RAB3GAP1: variants seen among roughly 807,000 people sequenced by gnomAD.
RAB3GAP1 encodes rab3 GTPase-activating protein catalytic subunit.
RAB3GAP1 carries 86 observed loss-of-function variants against 130.7 expected under a neutral mutation model. That is an observed-to-expected ratio of 0.66 (90% CI 0.55 to 0.79). The LOEUF is 0.79. Ranked by LOEUF, RAB3GAP1 falls within the 30% of genes least tolerant of loss-of-function variation. RAB3GAP1 has a pLI of 0.00. For missense variants in RAB3GAP1, 1,029 were observed against 1,169.4 expected (o/e 0.88, Z 1.75); for synonymous variants, 367 against 401.7 (o/e 0.91, Z 1.03).
intron 17 of RAB3GAP1, among the ~76,000 whole-genome samples, chr2:135,147,600 T>G (rs1347540215): frequency 6.7e-6 from 1 of 150,226 alleles, no homozygotes; most frequent in African/African-American, 2.5e-5. Flanking sequence ...CAGATTTTAA[T>G]TAATAGTAGT....
At chr2:135,102,608 C>T (rs980971278) in intron 5 of RAB3GAP1, among the ~76,000 whole-genome samples, 2 of 152,126 alleles carry the variant, frequency 1.3e-5, no homozygotes, top group African/African-American at 2.4e-5. Flanking sequence ...CTTTGTTGAG[C>T]GTTGTCTTTG....
At chr2:135,155,522 G>T (rs1692285767) in intron 19 of RAB3GAP1, among the ~76,000 whole-genome samples, 1 of 152,104 alleles carries the variant, frequency 6.6e-6, no homozygotes, top group African/African-American at 2.4e-5. Flanking sequence ...AGGCAATTTT[G>T]TTATCATGGG....
intron 5 of RAB3GAP1, among the ~76,000 whole-genome samples, chr2:135,097,251 CT>C (rs1343750583): frequency 6.7e-6 from 1 of 148,594 alleles, no homozygotes; most frequent in African/African-American, 2.5e-5. Context: ...AGGTCTTACT[CT>C]GTCACCCAGG....
intron 3 of RAB3GAP1, among the ~76,000 whole-genome samples, chr2:135,062,150 C>G (rs1224070961): frequency 6.6e-6 from 1 of 152,032 alleles, no homozygotes; most frequent in African/African-American, 2.4e-5. Context: ...TTGACCTCAG[C>G]TGATCCGCCC....
At chr2:135,095,977 A>G (rs1191355899) in intron 5 of RAB3GAP1, among the ~76,000 whole-genome samples, 1 of 152,240 alleles carries the variant, frequency 6.6e-6, no homozygotes, top group African/African-American at 2.4e-5. Flanking sequence ...GGTACTATAT[A>G]TAGGAAAAAA....
rs200105104 is a variant in RAB3GAP1 at position 135,071,904 on chromosome 2, ATCTT to A, written c.150+13840_150+13843del. Reference sequence around the variant, plus strand: ...TGTGGGACTTAGAATATTGTATTGAATCTTTCTTTCTTTCTTTCTTTCTTTTTGA... The same window carrying A: ...TGTGGGACTTAGAATATTGTATTGAATCTTTCTTTCTTTCTTTCTTTTTGA... On this transcript the variant is annotated intron_variant, in intron 3 of 23. Coordinates refer to ENST00000264158, the MANE Select transcript of RAB3GAP1 (RefSeq NM_012233.3). 9.0e-3 allele frequency among the ~76,000 whole-genome samples: 1,367 copies of A among 151,970 alleles called. 10 individuals are homozygous for A. The highest frequency in any genetic ancestry group is 0.021 in the South Asian group (99 of 4,800).
intron 3 of RAB3GAP1, among the ~76,000 whole-genome samples, chr2:135,081,328 ATAT>A (rs1322963359): frequency 1.8e-5 from 1 of 55,392 alleles, no homozygotes; most frequent in African/African-American, 1.1e-4. Context: ...AAAAAAAAAA[ATAT>A]ATATATATAT....
intron 3 of RAB3GAP1, among the ~76,000 whole-genome samples, chr2:135,062,034 CT>C (rs577968391): frequency 5.4e-5 from 8 of 148,364 alleles, no homozygotes; most frequent in East Asian, 4.0e-4. Flanking sequence ...TTGTCTTTTT[CT>C]TTTTTTTTTG....
chr2:135,168,453 A>C lies in RAB3GAP1; in HGVS notation c.2710-92A>C, dbSNP rs1002523754. 3 of 1,054,800 alleles carry C rather than the reference A, an allele frequency of 2.8e-6. 1 individual carries two copies. The highest frequency in any genetic ancestry group is 3.0e-6 in the Non-Finnish European group (2 of 676,506). The allele number at this position is 1,054,800 out of a possible 1,614,324, so 65.3% of individuals were successfully genotyped here. On this transcript the variant is annotated intron_variant, in intron 23 of 23. Transcript: ENST00000264158. ...TTACTGAGTAACGTGGGACATTTTCATATCTTTATTATGTTAATTCATCTG... is the reference window on the plus strand; with the variant it reads ...TTACTGAGTAACGTGGGACATTTTCCTATCTTTATTATGTTAATTCATCTG...
intron 3 of RAB3GAP1, among the ~76,000 whole-genome samples, chr2:135,070,090 TATAGCCA>T (rs1292462854): frequency 6.6e-6 from 1 of 152,246 alleles, no homozygotes; most frequent in African/African-American, 2.4e-5. Flanking sequence ...TTCAACAATG[TATAGCCA>T]ATCACTAATC....
rs151232106 is a variant in RAB3GAP1, at chr2:135,063,173, T to G, written c.150+5087T>G. Among the ~76,000 whole-genome samples the G allele has an allele frequency of 9.6e-3, 1,465 of 152,296 alleles. 17 individuals carry two copies. The highest frequency in any genetic ancestry group is 0.013 in the Non-Finnish European group (875 of 68,010). On this transcript the variant is annotated intron_variant, in intron 3 of 23. Coordinates refer to ENST00000264158, the MANE Select transcript of RAB3GAP1 (RefSeq NM_012233.3). ...GTGTCCATAAGACTGAGTAAATTAT[T>G]TTTTTAGTTTGCTGAACGTTTTTTG...
intron 2 of RAB3GAP1, among the ~76,000 whole-genome samples, chr2:135,056,079 G>A (rs1169444329): frequency 1.3e-5 from 2 of 151,088 alleles, no homozygotes; most frequent in South Asian, 2.1e-4. Flanking sequence ...CTCATGATCC[G>A]CCCGCCTCGG....
At chr2:135,172,846 A>C (rs1692895542), downstream of RAB3GAP1, among the ~76,000 whole-genome samples, 1 of 152,198 alleles carries the variant, frequency 6.6e-6, no homozygotes, top group Non-Finnish European at 1.5e-5. Context: ...CCCCAGACCC[A>C]CACCCATTGT....
intron 8 of RAB3GAP1, among the ~76,000 whole-genome samples, chr2:135,122,812 C>T (rs1408092204): frequency 6.6e-6 from 1 of 152,130 alleles, no homozygotes; most frequent in Non-Finnish European, 1.5e-5. Flanking sequence ...ACCTCTGCCT[C>T]CTGGGTTCAA....
In RAB3GAP1 at chr2:135,156,458, T is replaced by C. The variant is rs11903650; in HGVS notation, c.2289+2582T>C. Among the ~76,000 whole-genome samples, 600 of 152,272 alleles carry C rather than the reference T, an allele frequency of 3.9e-3. 5 individuals are homozygous for C. Among genetic ancestry groups the C allele is most frequent in the African/African-American group, 0.014 (572 of 41,570 alleles). On this transcript the variant is annotated intron_variant, in intron 19 of 23. Coordinates refer to ENST00000264158, the MANE Select transcript of RAB3GAP1 (RefSeq NM_012233.3). ...GGAAGTAAACAGACTCTAATATCAT[T>C]TTAAGAAAACAATACATGTTGATCA...
At position 135,163,112 on chromosome 2, in the gene RAB3GAP1, T is replaced by G; in HGVS notation, c.2606+11T>G. 6.3e-7 allele frequency: 1 copy of G among 1,593,608 alleles called. No homozygotes were observed. Among genetic ancestry groups the G allele is most frequent in the Non-Finnish European group, 8.6e-7 (1 of 1,161,330 alleles). On this transcript the variant is annotated intron_variant, in intron 22 of 23. Transcript: ENST00000264158. ...GGAAGATCTTGAAAGGTAATTGCTA[T>G]TTGGCTAATTCAGTTTTGTCTGCAG...
intron 2 of RAB3GAP1, among the ~76,000 whole-genome samples, chr2:135,055,985 C>T (rs924146602): frequency 2.0e-5 from 3 of 151,260 alleles, no homozygotes; most frequent in South Asian, 4.2e-4. Flanking sequence ...TACAGGTGCC[C>T]GCCACCACGC....
intron 5 of RAB3GAP1, 71 bp downstream of exon 5, chr2:135,093,764 C>A: frequency 8.6e-7 from 1 of 1,161,272 alleles, no homozygotes; most frequent in Non-Finnish European, 1.3e-6. Context: ...TCCCCAAGTT[C>A]AGTGATTTGC....
intron 3 of RAB3GAP1, among the ~76,000 whole-genome samples, chr2:135,071,548 A>G (rs1451337779): frequency 3.3e-5 from 5 of 151,972 alleles, no homozygotes; most frequent in Non-Finnish European, 5.9e-5. Context: ...AAAAAAAAAG[A>G]ATTATTAGAG....
Sources: allele counts gnomAD v4.1 joint callset (sites outside exome capture counted in the v4.1 genomes callset), GRCh38; gene constraint gnomAD v4.1.1; transcripts MANE v1.5; gene names NCBI Gene and HGNC (gene_info 2026-07-23, HGNC 2026-07-21).